The following TM9SF2 variants were observed in gnomAD, a reference collection of about 807,000 sequenced individuals.
TM9SF2 encodes the protein transmembrane 9 superfamily member 2.
A neutral mutation model predicts 84.9 loss-of-function variants in TM9SF2; 13 were observed. The ratio of observed to expected loss-of-function variants is 0.15; its 90% CI spans 0.10 to 0.24. The LOEUF is 0.24. Among genes scored for constraint, TM9SF2 ranks in the 10% least tolerant of loss-of-function variants. The pLI, the probability that TM9SF2 is intolerant of heterozygous loss-of-function variation, is 1.00. For missense variants in TM9SF2, 562 were observed against 818.5 expected (o/e 0.69, Z 3.82); for synonymous variants, 273 against 285.8 (o/e 0.96, Z 0.45).
rs1368010803 is a variant in TM9SF2, at chr13:99,563,813, G to A, written c.*1055G>A. The A allele has an allele frequency of 2.0e-5, 3 of 152,174 alleles. No individual in the cohort carries two copies. Among genetic ancestry groups the A allele is most frequent in the Non-Finnish European group, 2.9e-5 (2 of 68,038 alleles). The allele number at this position is 152,174 out of a possible 1,614,324, so 9.4% of individuals were successfully genotyped here. On this transcript the variant is annotated 3_prime_UTR_variant, in exon 17 of 17. Coordinates refer to ENST00000376387, the MANE Select transcript of TM9SF2 (RefSeq NM_004800.3). ...TTCACAAACAGTTTTACTTCTAAGA[G>A]TTAAGAAATGCACTGTCTTTCACAT... is the stretch of plus-strand genomic sequence containing the variant.
chr13:99,525,316 A>G (rs2046178100), intron 3 of TM9SF2, among the ~76,000 whole-genome samples: 1 of 152,116 alleles, frequency 6.6e-6, no homozygotes, highest in African/African-American at 2.4e-5. Flanking sequence ...ATCTCAGCTC[A>G]CTGCAACCTC....
At chr13:99,529,011 T>C (rs75741205) in intron 3 of TM9SF2, among the ~76,000 whole-genome samples, 3,890 of 152,100 alleles carry the variant, frequency 0.026, 163 homozygotes, top group African/African-American at 0.087. Flanking sequence ...TCTTGTTCAC[T>C]GCTGAATCTC....
chr13:99,546,496 T>C (rs2046283142), intron 10 of TM9SF2, among the ~76,000 whole-genome samples: 3 of 152,080 alleles, frequency 2.0e-5, no homozygotes, highest in Non-Finnish European at 2.9e-5. Flanking sequence ...CCGTATGAAA[T>C]CTTTCTCCCT....
chr13:99,502,045 C>T (rs939889095), intron 1 of TM9SF2, among the ~76,000 whole-genome samples: 3 of 152,228 alleles, frequency 2.0e-5, no homozygotes, highest in Admixed American at 6.5e-5. Flanking sequence ...ATTCAGTTTT[C>T]CTGGAACAGG....
At chr13:99,552,664 C>T (rs1428101473) in intron 13 of TM9SF2, among the ~76,000 whole-genome samples, 2 of 152,250 alleles carry the variant, frequency 1.3e-5, no homozygotes, top group South Asian at 2.1e-4. Context: ...AGTGCAGTGG[C>T]GCCATCTCGG....
chr13:99,501,797 C>G lies in TM9SF2; in HGVS notation c.171+20C>G, dbSNP rs766862617. On this transcript the variant is annotated intron_variant, in intron 1 of 16. Coordinates refer to ENST00000376387, the MANE Select transcript of TM9SF2 (RefSeq NM_004800.3). ...TGCAAGGTGGGTGAGGCCTGACGAG[C>G]CCTCTGATGCACTGTTGGAAGGGGA... The G allele has an allele frequency of 1.9e-6, 3 of 1,599,642 alleles. No homozygotes were observed. Among genetic ancestry groups the G allele is most frequent in the South Asian group, 2.2e-5 (2 of 90,244 alleles).
intron 1 of TM9SF2, among the ~76,000 whole-genome samples, chr13:99,516,345 T>C (rs917069511): frequency 6.6e-6 from 1 of 152,208 alleles, no homozygotes; most frequent in Admixed American, 6.5e-5. Context: ...AAATGACAAG[T>C]GTGGCTCCGT....
At chr13:99,543,528 A>G (rs545971083) in intron 9 of TM9SF2, among the ~76,000 whole-genome samples, 5 of 152,270 alleles carry the variant, frequency 3.3e-5, no homozygotes, top group Non-Finnish European at 7.3e-5. Context: ...TGAAGAGGAT[A>G]GAATGTGACT....
chr13:99,507,949 A>G (rs1205663210), intron 1 of TM9SF2, among the ~76,000 whole-genome samples: 1 of 152,200 alleles, frequency 6.6e-6, no homozygotes, highest in Non-Finnish European at 1.5e-5. Flanking sequence ...GTCCTGTGGC[A>G]TGGCCCGTGT....
intron 3 of TM9SF2, among the ~76,000 whole-genome samples, chr13:99,521,604 A>G (rs9513625): frequency 0.032 from 4,936 of 152,250 alleles, 113 homozygotes; most frequent in Middle Eastern, 0.12. Context: ...CTGCACCTAC[A>G]CTGTGAAGCC....
At position 99,562,772 on chromosome 13, in the gene TM9SF2, G is replaced by A; in HGVS notation, c.*14G>A. The A allele has an allele frequency of 6.2e-7, 1 of 1,608,866 alleles. No individual in the cohort carries two copies. The highest frequency in any genetic ancestry group is 8.5e-7 in the Non-Finnish European group (1 of 1,178,026). The stretch of plus-strand genomic sequence containing the variant: ...AAGGTTGACTGAAGAAGTCCAGTGT[G>A]TCCAGTTAAAACAGAAATAAATTAA... On this transcript the variant is annotated 3_prime_UTR_variant, in exon 17 of 17. Coordinates refer to ENST00000376387, the MANE Select transcript of TM9SF2 (RefSeq NM_004800.3).
At position 99,524,377 on chromosome 13, in the gene TM9SF2, T is replaced by A. The variant is rs555025055; in HGVS notation, c.333+4248T>A. ...CGACAGAATTTGCCAAGGGATGGGA[T>A]GTGGAGTGTGGAGTTTCTATTTTCT... is the stretch of plus-strand genomic sequence containing the variant. On this transcript the variant is annotated intron_variant, in intron 3 of 16. Transcript: ENST00000376387. Among the ~76,000 whole-genome samples the A allele has an allele frequency of 3.3e-5, 5 of 152,098 alleles. 1 individual carries two copies. In the South Asian group the frequency reaches 1.0e-3, roughly 32 times the overall value.
In TM9SF2 at chr13:99,537,846, T is replaced by G. The variant is rs780167253; in HGVS notation, c.699T>G (p.Ala233=). 6 of 1,604,556 alleles carry G rather than the reference T, an allele frequency of 3.7e-6. No homozygotes were observed. Among genetic ancestry groups the G allele is most frequent in the African/African-American group, 1.3e-5 (1 of 74,414 alleles). The part of the protein sequence containing the change: ...TGSMGARLVA[A]KLEPKSFKHT... ...CCATGGGAGCAAGATTAGTGGCTGC[T>G]AAACTTGAACCGAAAAGGTAATTAT... is the stretch of plus-strand genomic sequence containing the variant. The change falls in exon 6 of 17, where the codon GCT becomes GCG. Residue 233 remains alanine (A), a synonymous_variant. Coordinates refer to ENST00000376387, the MANE Select transcript of TM9SF2 (RefSeq NM_004800.3).
intron 4 of TM9SF2, among the ~76,000 whole-genome samples, chr13:99,533,965 G>A (rs1048223372): frequency 1.3e-5 from 2 of 152,124 alleles, no homozygotes; most frequent in Non-Finnish European, 2.9e-5. Flanking sequence ...CACCGCTCCT[G>A]GCCATACTTT....
At position 99,547,073 on chromosome 13, in the gene TM9SF2, T is replaced by C. The variant is rs1260722740; in HGVS notation, c.1239T>C (p.Pro413=). ...AVVLWVLLGT[P]AGYVAARFYK... ...TCCTGTGGGTGCTGCTGGGCACCCC[T>C]GCAGGCTATGTTGCTGCCAGATTCT... Residue 413 remains proline (P), a synonymous_variant, in exon 11 of 17, where the codon CCT becomes CCC. Coordinates refer to ENST00000376387, the MANE Select transcript of TM9SF2 (RefSeq NM_004800.3). 2 of 1,614,118 alleles carry C rather than the reference T, an allele frequency of 1.2e-6. No individual in the cohort carries two copies. The highest frequency in any genetic ancestry group is 2.7e-5 in the African/African-American group (2 of 74,930).
intron 2 of TM9SF2, 127 bp from the exon 3 acceptor site, chr13:99,519,909 T>C (rs1566564861): frequency 1.2e-5 from 8 of 684,844 alleles, no homozygotes; most frequent in Non-Finnish European, 1.7e-5. Flanking sequence ...GGAGTATGGA[T>C]AGATTTCTTA....
intron 2 of TM9SF2, 26 bp from the exon 3 acceptor site, chr13:99,520,010 T>TA (rs762962881): frequency 6.2e-7 from 1 of 1,607,146 alleles, no homozygotes; most frequent in East Asian, 2.2e-5. Flanking sequence ...CTTTTATGTG[T>TA]AAAAATTTAA....
intron 1 of TM9SF2, among the ~76,000 whole-genome samples, chr13:99,514,575 G>A (rs1221602149): frequency 6.6e-6 from 1 of 152,288 alleles, no homozygotes; most frequent in Non-Finnish European, 1.5e-5. Flanking sequence ...CTAATAACAC[G>A]TTTCTCCAAA....
chr13:99,526,660 G>A lies in TM9SF2; in HGVS notation c.334-2807G>A, dbSNP rs191243090. On this transcript the variant is annotated intron_variant, in intron 3 of 16. Coordinates refer to ENST00000376387, the MANE Select transcript of TM9SF2 (RefSeq NM_004800.3). The stretch of plus-strand genomic sequence containing the variant: ...GGCAGGGTGGAATGCGACCAGAGGA[G>A]GGAGTGCTTTGAAATTGGATGAAGA... Among the ~76,000 whole-genome samples, 186 of 152,314 alleles carry A rather than the reference G, an allele frequency of 1.2e-3. 2 individuals are homozygous for A. Among genetic ancestry groups the A allele is most frequent in the African/African-American group, 4.2e-3 (176 of 41,564 alleles).
Sources: gnomAD v4.1 joint callset for allele counts (sites outside exome capture counted in the v4.1 genomes callset) on GRCh38, gnomAD v4.1.1 for gene constraint, MANE v1.5 for transcripts, NCBI Gene and HGNC (gene_info 2026-07-23, HGNC 2026-07-21) for gene names.